Variants in PCDHA6 observed in about 807,000 individuals in gnomAD.
The protein encoded by PCDHA6 is protocadherin alpha-6.
In PCDHA6, 55 loss-of-function variants were observed where a neutral mutation model predicts 60.3. The ratio of observed to expected loss-of-function variants is 0.91; its 90% confidence interval spans 0.73 to 1.14. The LOEUF (loss-of-function observed/expected upper bound fraction) is 1.14. Ranked by LOEUF, PCDHA6 falls within the 50% of genes most tolerant of loss-of-function variation. PCDHA6 has a pLI of 0.00. For missense variants in PCDHA6, 1,327 were observed against 1,256.5 expected (o/e 1.06, Z -0.85); for synonymous variants, 652 against 557.9 (o/e 1.17, Z -2.38).
At position 140,877,217 on chromosome 5, in the gene PCDHA6, C is replaced by T. The variant is rs571871387; in HGVS notation, c.2394+46732C>T. ...GGAGGCGCAGTTAGCGAGTTGGTAC[C>T]GCGGTCGGTGGGTGCGGGCCACGTG... On this transcript the variant is annotated intron_variant, in intron 1 of 3. Coordinates refer to ENST00000529310, the MANE Select transcript of PCDHA6 (RefSeq NM_018909.4). 144 of 1,613,624 alleles carry T rather than the reference C, an allele frequency of 8.9e-5. No individual in the cohort carries two copies. Among genetic ancestry groups the T allele is most frequent in the Non-Finnish European group, 1.2e-4 (138 of 1,179,784 alleles).
At chr5:140,888,706 T>G (rs1554183604) in intron 1 of PCDHA6, among the ~76,000 whole-genome samples, 1 of 152,196 alleles carries the variant, frequency 6.6e-6, no homozygotes, top group African/African-American at 2.4e-5. Context: ...TTGGTAGGAA[T>G]GTGAAATATT....
chr5:140,966,938 G>A (rs1159097726), intron 1 of PCDHA6: 1 of 1,604,146 alleles, frequency 6.2e-7, no homozygotes, highest in African/African-American at 1.3e-5. Context: ...CGGCGCGCTC[G>A]TGGGCAACGT....
chr5:140,924,824 G>T (rs782384284), intron 1 of PCDHA6, among the ~76,000 whole-genome samples: 5 of 151,742 alleles, frequency 3.3e-5, no homozygotes, highest in African/African-American at 4.8e-5. Context: ...GAACCTGGGA[G>T]GGGGAGGTTG....
rs782169362 is a variant in PCDHA6 at position 140,979,015 on chromosome 5, T to A, written c.2453+8T>A. The A allele has an allele frequency of 6.2e-7, 1 of 1,613,920 alleles. No homozygotes were observed. Among genetic ancestry groups the A allele is most frequent in the Non-Finnish European group, 8.5e-7 (1 of 1,179,908 alleles). On this transcript the variant is annotated splice_region_variant and intron_variant, in intron 2 of 3. Coordinates refer to ENST00000529310, the MANE Select transcript of PCDHA6 (RefSeq NM_018909.4). ...GAGAGCAGGCATGCACAGGTATGTA[T>A]TTCCCTCCTCATTCACTCAGAAGTA...
chr5:140,995,679 T>C (rs2153934903), intron 3 of PCDHA6, among the ~76,000 whole-genome samples: 1 of 152,322 alleles, frequency 6.6e-6, no homozygotes, highest in Non-Finnish European at 1.5e-5. Context: ...GCAGCATTTT[T>C]TTTAATTGTT....
chr5:140,836,597 T>A (rs2150265046), intron 1 of PCDHA6: 1 of 1,613,676 alleles, frequency 6.2e-7, no homozygotes, highest in Admixed American at 1.7e-5. Flanking sequence ...TAAAGCCCAC[T>A]CTGGTGTGCT....
At position 140,928,541 on chromosome 5, in the gene PCDHA6, A is replaced by T. The variant is rs149868042; in HGVS notation, c.2395-50408A>T. Reference sequence around the variant, plus strand: ...AACTTGTTTGTGGTAGATAGGAATGACAATTATCCGGTTATCTTGTTTCCC... The same window carrying T: ...AACTTGTTTGTGGTAGATAGGAATGTCAATTATCCGGTTATCTTGTTTCCC... On this transcript the variant is annotated intron_variant, in intron 1 of 3. Transcript: ENST00000529310. 1,755 of 1,614,192 alleles carry T rather than the reference A, an allele frequency of 1.1e-3. 11 individuals carry two copies. In the African/African-American group the frequency reaches 0.015, roughly 13 times the overall value.
At chr5:140,952,955 A>G (rs1244776708) in intron 1 of PCDHA6, among the ~76,000 whole-genome samples, 1 of 152,044 alleles carries the variant, frequency 6.6e-6, no homozygotes, top group Non-Finnish European at 1.5e-5. Context: ...AGAAGGGGGA[A>G]GTGATACACA....
chr5:140,938,734 AT>A (rs1207782725), intron 1 of PCDHA6, among the ~76,000 whole-genome samples: 1 of 152,136 alleles, frequency 6.6e-6, no homozygotes, highest in Admixed American at 6.5e-5. Flanking sequence ...ACAGAAAAAA[AT>A]AATTATTTTT....
intron 1 of PCDHA6, chr5:140,842,691 A>C: frequency 1.9e-6 from 3 of 1,595,350 alleles, no homozygotes; most frequent in Non-Finnish European, 2.6e-6. Flanking sequence ...GCGTTCGCGC[A>C]GCCCGAGTAC....
Position 140,829,097 on chromosome 5 carries a change from G to A in PCDHA6, c.1006G>A (p.Val336Ile). The A allele has an allele frequency of 4.3e-6, 7 of 1,611,762 alleles. No individual in the cohort carries two copies. The highest frequency in any genetic ancestry group is 5.9e-6 in the Non-Finnish European group (7 of 1,177,858). The change falls in exon 1 of 4, where the codon GTT (valine) becomes ATT (isoleucine). Residue 336 changes from valine to isoleucine, a missense_variant. By Grantham distance (29) the Val-to-Ile change is conservative. Coordinates refer to ENST00000529310, the MANE Select transcript of PCDHA6 (RefSeq NM_018909.4). ...TCCTCCCATGGCGGGTCATTGCACC[G>A]TTTTAGTGAGAATTTTGGATAAAAA... ...GHPPMAGHCTVLVRILDKNDN... is the reference protein window; with the variant it reads ...GHPPMAGHCTILVRILDKNDN...
intron 1 of PCDHA6, among the ~76,000 whole-genome samples, chr5:140,922,046 A>C (rs1388720677): frequency 6.6e-6 from 1 of 152,150 alleles, no homozygotes; most frequent in Non-Finnish European, 1.5e-5. Flanking sequence ...TTTCCCACAT[A>C]CCTTCAAAAT....
rs1458420006 is a variant in PCDHA6 at position 140,928,100 on chromosome 5, T to A, written c.2395-50849T>A. On this transcript the variant is annotated intron_variant, in intron 1 of 3. Transcript: ENST00000529310. Reference sequence around the variant, plus strand: ...TACAGCCTGCTGATTGATGGGCCCCTGGACCGGGAGCAGATCAGTGAATAC... The same window carrying A: ...TACAGCCTGCTGATTGATGGGCCCCAGGACCGGGAGCAGATCAGTGAATAC... 2.3e-5 allele frequency: 37 copies of A among 1,614,090 alleles called. No individual in the cohort carries two copies. Among genetic ancestry groups the A allele is most frequent in the Non-Finnish European group, 2.9e-5 (34 of 1,180,048 alleles).
In PCDHA6 at chr5:141,012,118, T is replaced by C. The variant is rs2098422988; in HGVS notation, c.*2181T>C. 6.5e-6 allele frequency: 1 copy of C among 153,768 alleles called. No individual in the cohort carries two copies. The highest frequency in any genetic ancestry group is 2.4e-5 in the African/African-American group (1 of 41,458). The allele number at this position is 153,768 out of a possible 1,614,324, so 9.5% of individuals were successfully genotyped here. A position where few individuals can be genotyped will look rare whatever the true frequency, so the allele number is the denominator to read the frequency against. On this transcript the variant is annotated 3_prime_UTR_variant, in exon 4 of 4. Coordinates refer to ENST00000529310, the MANE Select transcript of PCDHA6 (RefSeq NM_018909.4). ...TCATTTTGCCCCACTGAAGCCCATG[T>C]ATCTGACCTTACGTGCCTTTTGAAC...
In PCDHA6 at chr5:140,943,140, C is replaced by CCCAGCTA. The variant is rs377502817; in HGVS notation, c.2395-35807_2395-35801dup. 5.8e-3 allele frequency among the ~76,000 whole-genome samples: 878 copies of CCCAGCTA among 151,552 alleles called. 7 individuals are homozygous for CCCAGCTA. The highest frequency in any genetic ancestry group is 0.021 in the African/African-American group (851 of 41,302). On this transcript the variant is annotated intron_variant, in intron 1 of 3. Transcript: ENST00000529310. ...AGGTGTGGTAGTGGGTGCCTGTAGT[C>CCCAGCTA]CCAGCTACTCTGGAGGCTGAGGCAG...
At chr5:140,833,817 G>A (rs1772671317) in intron 1 of PCDHA6, among the ~76,000 whole-genome samples, 1 of 152,028 alleles carries the variant, frequency 6.6e-6, no homozygotes, top group Non-Finnish European at 1.5e-5. Context: ...GAGATCCTGG[G>A]TCCCTAAAAG....
chr5:140,897,340 C>T, intron 1 of PCDHA6, among the ~76,000 whole-genome samples: 1 of 122,942 alleles, frequency 8.1e-6, no homozygotes, highest in Non-Finnish European at 1.6e-5. Context: ...CCCCTCCCCC[C>T]ACCCCACAAC....
chr5:140,945,962 G>A (rs1049789327), intron 1 of PCDHA6, among the ~76,000 whole-genome samples: 1 of 152,002 alleles, frequency 6.6e-6, no homozygotes, highest in Non-Finnish European at 1.5e-5. Context: ...GAAAGCACAG[G>A]CAATAAAAGC....
chr5:140,856,900 C>A, intron 1 of PCDHA6: 1 of 1,596,130 alleles, frequency 6.3e-7, no homozygotes, highest in Non-Finnish European at 8.6e-7. Flanking sequence ...GCTCTTTGGT[C>A]CCACCCACGA....
Sources: allele counts gnomAD v4.1 joint callset (sites outside exome capture counted in the v4.1 genomes callset), GRCh38; gene constraint gnomAD v4.1.1; transcripts MANE v1.5; gene names NCBI Gene and HGNC (gene_info 2026-07-23, HGNC 2026-07-21).